MAST4: variants seen among roughly 807,000 people sequenced by gnomAD.
The protein encoded by MAST4 is microtubule-associated serine/threonine-protein kinase 4.
Under a neutral mutation model 162.7 loss-of-function variants are expected in MAST4, and 89 were observed. The ratio of observed to expected loss-of-function variants is 0.55; its 90% CI spans 0.46 to 0.65. MAST4 has a LOEUF of 0.65. Ranked by LOEUF, MAST4 falls within the 30% of genes least tolerant of loss-of-function variation. The pLI, the probability that MAST4 is intolerant of heterozygous loss-of-function variation, is 0.00. For synonymous variants in MAST4, 1,479 were observed against 1,361.1 expected (o/e 1.09, Z -1.91); for missense variants, 3,153 against 3,374.0 (o/e 0.93, Z 1.62).
intron 3 of MAST4, among the ~76,000 whole-genome samples, chr5:66,886,568 A>G (rs1762051284): frequency 6.6e-6 from 1 of 151,568 alleles, no homozygotes; most frequent in Non-Finnish European, 1.5e-5. Flanking sequence ...TTTTATTCTG[A>G]AGAAAGTGAG....
At chr5:67,000,954 A>G (rs1300176607) in intron 4 of MAST4, among the ~76,000 whole-genome samples, 3 of 152,228 alleles carry the variant, frequency 2.0e-5, no homozygotes, top group Non-Finnish European at 2.9e-5. Context: ...TACAAAACCA[A>G]TGGCTAACAA....
At chr5:67,094,360 C>G (rs1764198805) in intron 6 of MAST4, among the ~76,000 whole-genome samples, 1 of 152,184 alleles carries the variant, frequency 6.6e-6, no homozygotes, top group Non-Finnish European at 1.5e-5. Flanking sequence ...TGACGTTTCT[C>G]AAATTCAAGC....
At chr5:66,618,446 A>C (rs1401567185) in intron 1 of MAST4, among the ~76,000 whole-genome samples, 1 of 152,070 alleles carries the variant, frequency 6.6e-6, no homozygotes, top group Non-Finnish European at 1.5e-5. Flanking sequence ...ACTTGGTTCT[A>C]CTTGCATTGT....
At chr5:67,037,117 G>A (rs939008344) in intron 4 of MAST4, among the ~76,000 whole-genome samples, 12 of 152,060 alleles carry the variant, frequency 7.9e-5, no homozygotes, top group East Asian at 1.9e-4. Flanking sequence ...AGGAAAGGTC[G>A]GGTGCAGTGG....
In MAST4 at chr5:67,165,384, GAGA is replaced by G. The variant is rs767013764; in HGVS notation, c.6208_6210del (p.Lys2070del). The G allele has an allele frequency of 5.0e-6, 8 of 1,613,760 alleles. No homozygotes were observed. The highest frequency in any genetic ancestry group is 3.4e-6 in the Non-Finnish European group (4 of 1,179,834). On this transcript the variant is annotated inframe_deletion, in exon 29 of 29. Transcript: ENST00000403625. ...TCTGCACTCAGCTGGAATTCCCTGT[GAGA>G]AGGAGCTGGGCAAGGTGAGGCGTGG...
In MAST4 at chr5:66,640,331, G is replaced by A. The variant is rs1211969341; in HGVS notation, c.363+43313G>A. Among the ~76,000 whole-genome samples the A allele has an allele frequency of 2.4e-4, 35 of 145,132 alleles. No homozygotes were observed. In the South Asian group the frequency reaches 7.3e-3, roughly 30 times the overall value. ...TTTCTTTTTTTTTTTTTTTTGAGACGGAGTCTCGCTCTGTTGCCCAGGCTG... is the reference window on the plus strand; with the variant it reads ...TTTCTTTTTTTTTTTTTTTTGAGACAGAGTCTCGCTCTGTTGCCCAGGCTG... On this transcript the variant is annotated intron_variant, in intron 1 of 28. Transcript: ENST00000403625.
At position 66,893,382 on chromosome 5, in the gene MAST4, T is replaced by TTTG. The variant is rs1554065016; in HGVS notation, c.643-6568_643-6567insTGT. ...CACCACGCCCAGCTAATTTTTTTTT[T>TTTG]TGTGTGTGTGTGTGTGTCTTTTTTT... On this transcript the variant is annotated intron_variant, in intron 3 of 28. Transcript: ENST00000403625. 6.6e-3 allele frequency among the ~76,000 whole-genome samples: 988 copies of TTTG among 150,134 alleles called. 6 individuals carry two copies. The highest frequency in any genetic ancestry group is 0.011 in the Non-Finnish European group (732 of 67,688).
chr5:66,845,576 C>T (rs1482836459), intron 3 of MAST4, among the ~76,000 whole-genome samples: 3 of 152,050 alleles, frequency 2.0e-5, no homozygotes, highest in East Asian at 1.9e-4. Flanking sequence ...AATAAACATA[C>T]GTGTGCATGT....
intron 4 of MAST4, among the ~76,000 whole-genome samples, chr5:66,931,923 T>C (rs529659310): frequency 2.8e-4 from 42 of 152,274 alleles, no homozygotes; most frequent in African/African-American, 9.6e-4. Context: ...AACCACGTTA[T>C]CTTCAGGGAA....
intron 4 of MAST4, among the ~76,000 whole-genome samples, chr5:66,945,652 T>C (rs1044254071): frequency 3.3e-5 from 5 of 152,130 alleles, no homozygotes; most frequent in Non-Finnish European, 7.4e-5. Context: ...GTGAAGGCAC[T>C]GGCTGCATCC....
rs182254100 is a variant in MAST4 at position 67,030,513 on chromosome 5, A to T, written c.675-23891A>T. Among the ~76,000 whole-genome samples, 31 of 152,252 alleles carry T rather than the reference A, an allele frequency of 2.0e-4. No individual in the cohort carries two copies. The East Asian group carries it at 5.2e-3, about 26-fold the overall frequency. The stretch of plus-strand genomic sequence containing the variant: ...TGACATTTTAACTCAGAAAATAAAT[A>T]CCTTTTCATTTCTGTACATCACCAT... On this transcript the variant is annotated intron_variant, in intron 4 of 28. Transcript: ENST00000403625.
intron 1 of MAST4, among the ~76,000 whole-genome samples, chr5:66,758,439 T>C (rs898392537): frequency 6.6e-6 from 1 of 151,970 alleles, no homozygotes; most frequent in African/African-American, 2.4e-5. Context: ...TTTTTTGAGA[T>C]GGGGTCTTGC....
rs373020504 is a variant in MAST4 at position 67,134,651 on chromosome 5, G to C, written c.2355G>C (p.Gly785=). 6.2e-7 allele frequency: 1 copy of C among 1,613,504 alleles called. No individual in the cohort carries two copies. The highest frequency in any genetic ancestry group is 1.7e-5 in the Admixed American group (1 of 59,996). ...EFLVGCVPFF[G]DTPEELFGQV... ...TGGTTGGATGCGTGCCATTCTTTGG[G>C]GATACTCCAGAGGAGCTATTTGGAC... The change falls in exon 18 of 29, where the codon GGG becomes GGC. Residue 785 remains glycine (G), a synonymous_variant. Transcript: ENST00000403625.
In MAST4 at chr5:66,864,438, G is replaced by T. The variant is rs6890716; in HGVS notation, c.643-35513G>T. On this transcript the variant is annotated intron_variant, in intron 3 of 28. Coordinates refer to ENST00000403625, the MANE Select transcript of MAST4 (RefSeq NM_001164664.2). ...GGAGCGGGCGAGCCATAGGAATCCAGACAGGCCGCCAGGCTGGACCCAGAG... is the reference window on the plus strand; with the variant it reads ...GGAGCGGGCGAGCCATAGGAATCCATACAGGCCGCCAGGCTGGACCCAGAG... 5.4e-3 allele frequency among the ~76,000 whole-genome samples: 820 copies of T among 152,268 alleles called. 6 individuals carry two copies. The highest frequency in any genetic ancestry group is 0.019 in the African/African-American group (779 of 41,546).
intron 2 of MAST4, among the ~76,000 whole-genome samples, chr5:66,768,608 A>G (rs1754216989): frequency 6.6e-6 from 1 of 152,188 alleles, no homozygotes; most frequent in South Asian, 2.1e-4. Flanking sequence ...TGGAGGACTG[A>G]TTCATGGTTG....
intron 1 of MAST4, among the ~76,000 whole-genome samples, chr5:66,689,030 T>C (rs1748870500): frequency 6.6e-6 from 1 of 152,180 alleles, no homozygotes; most frequent in African/African-American, 2.4e-5. Flanking sequence ...GTTTATTCTA[T>C]CCTTAGGAAA....
chr5:66,839,920 A>G (rs996977954), intron 3 of MAST4, among the ~76,000 whole-genome samples: 2 of 150,820 alleles, frequency 1.3e-5, no homozygotes, highest in Admixed American at 6.6e-5. Context: ...TTCTTTGTGC[A>G]TGTGTGTGTG....
chr5:66,752,973 A>C (rs527760947), intron 1 of MAST4, among the ~76,000 whole-genome samples: 43 of 151,748 alleles, frequency 2.8e-4, no homozygotes, highest in Non-Finnish European at 5.3e-4. Context: ...AGTGCAATCA[A>C]ACTAGAACTC....
intron 1 of MAST4, among the ~76,000 whole-genome samples, chr5:66,713,118 C>T (rs1384676450): frequency 6.6e-6 from 1 of 152,092 alleles, no homozygotes; most frequent in Non-Finnish European, 1.5e-5. Context: ...CTTCTTATTT[C>T]TTCTTTCTTT....
Sources: allele counts gnomAD v4.1 joint callset (sites outside exome capture counted in the v4.1 genomes callset), GRCh38; gene constraint gnomAD v4.1.1; transcripts MANE v1.5; gene names NCBI Gene and HGNC (gene_info 2026-07-23, HGNC 2026-07-21).